The following ZNF804A variants were observed in gnomAD, a reference collection of about 807,000 sequenced individuals.
ZNF804A encodes the protein zinc finger protein 804A.
Under a neutral mutation model 16.5 loss-of-function variants are expected in ZNF804A, and 2 were observed. The observed-to-expected ratio is 0.12, with a 90% CI of 0.05 to 0.38. The LOEUF (loss-of-function observed/expected upper bound fraction) is 0.38. ZNF804A is among the 10% of genes least tolerant of loss of function. The pLI, the probability that ZNF804A is intolerant of heterozygous loss-of-function variation, is 0.99. For missense variants in ZNF804A, 1,473 were observed against 1,390.7 expected, an observed-to-expected ratio of 1.06 and a Z score of -0.94; for synonymous variants, 534 against 489.6, an observed-to-expected ratio of 1.09 and a Z score of -1.20.
chr2:184,618,516 A>C lies in ZNF804A; in HGVS notation c.111+19446A>C, dbSNP rs1241426057. Among the ~76,000 whole-genome samples the C allele has an allele frequency of 5.9e-5, 9 of 152,222 alleles. No individual in the cohort carries two copies. The East Asian group carries it at 1.7e-3, about 29-fold the overall frequency. On this transcript the variant is annotated intron_variant, in intron 1 of 3. Transcript: ENST00000302277. ...TCAGGTGTTAAAATATTTTTCTAAT[A>C]CAGTTAGGTCTCCATATCCATAGGT...
intron 1 of ZNF804A, among the ~76,000 whole-genome samples, chr2:184,796,577 G>A (rs945921035): frequency 6.6e-6 from 1 of 151,974 alleles, no homozygotes; most frequent in Non-Finnish European, 1.5e-5. Flanking sequence ...CAAACTTTTT[G>A]TTTCATTTAT....
chr2:184,835,555 C>T (rs1320603252), intron 1 of ZNF804A, among the ~76,000 whole-genome samples: 1 of 151,894 alleles, frequency 6.6e-6, no homozygotes, highest in Non-Finnish European at 1.5e-5. Flanking sequence ...GGTCCAGAGT[C>T]CAAGCCCTGC....
At chr2:184,735,910 C>T (rs1301065481) in intron 1 of ZNF804A, among the ~76,000 whole-genome samples, 1 of 152,144 alleles carries the variant, frequency 6.6e-6, no homozygotes, top group African/African-American at 2.4e-5. Context: ...CTTTTAGCCA[C>T]CACCACCACA....
intron 1 of ZNF804A, among the ~76,000 whole-genome samples, chr2:184,667,372 T>C (rs1692270265): frequency 6.6e-6 from 1 of 151,870 alleles, no homozygotes; most frequent in Non-Finnish European, 1.5e-5. Context: ...AATTAATGGT[T>C]TTTAAAAGGT....
intron 1 of ZNF804A, among the ~76,000 whole-genome samples, chr2:184,772,048 A>G (rs1019616008): frequency 1.5e-4 from 23 of 152,030 alleles, no homozygotes; most frequent in African/African-American, 5.6e-4. Context: ...GTGTCCCTTT[A>G]GAATCTGTCC....
chr2:184,822,996 C>T (rs190680107), intron 1 of ZNF804A, among the ~76,000 whole-genome samples: 5 of 152,124 alleles, frequency 3.3e-5, no homozygotes, highest in South Asian at 2.1e-4. Context: ...GACAAATAGT[C>T]GTTGTCTTAG....
intron 2 of ZNF804A, among the ~76,000 whole-genome samples, chr2:184,892,887 T>C (rs1685010289): frequency 6.6e-6 from 1 of 152,214 alleles, no homozygotes. Flanking sequence ...TTTATGATTA[T>C]ATTTTGTTCA....
At chr2:184,846,859 A>G (rs902047388) in intron 1 of ZNF804A, among the ~76,000 whole-genome samples, 10 of 152,204 alleles carry the variant, frequency 6.6e-5, no homozygotes, top group African/African-American at 1.9e-4. Context: ...CCAATGAGGC[A>G]TTGTCTTGAT....
intron 1 of ZNF804A, among the ~76,000 whole-genome samples, chr2:184,659,516 A>G (rs978941252): frequency 1.3e-5 from 2 of 152,006 alleles, no homozygotes; most frequent in East Asian, 3.9e-4. Context: ...CATGTATATC[A>G]CATATATATT....
chr2:184,781,621 G>C (rs1400231724), intron 1 of ZNF804A, among the ~76,000 whole-genome samples: 1 of 151,694 alleles, frequency 6.6e-6, no homozygotes, highest in Non-Finnish European at 1.5e-5. Context: ...GGAGTCAAAA[G>C]TGCTGTGTAC....
intron 1 of ZNF804A, among the ~76,000 whole-genome samples, chr2:184,847,124 C>T (rs1023413054): frequency 6.6e-6 from 1 of 152,066 alleles, no homozygotes; most frequent in Non-Finnish European, 1.5e-5. Context: ...GAAATGTGAA[C>T]ATTAACGTAT....
chr2:184,823,863 C>T (rs1197572700), intron 1 of ZNF804A, among the ~76,000 whole-genome samples: 2 of 152,008 alleles, frequency 1.3e-5, no homozygotes, highest in East Asian at 1.9e-4. Flanking sequence ...CTTCATGATT[C>T]CAGCAGGTAA....
chr2:184,898,138 C>A (rs144097513), intron 2 of ZNF804A, among the ~76,000 whole-genome samples: 107 of 152,036 alleles, frequency 7.0e-4, no homozygotes, highest in African/African-American at 2.5e-3. Context: ...AGTTTTTATT[C>A]TTGAAAAGAC....
intron 1 of ZNF804A, among the ~76,000 whole-genome samples, chr2:184,673,997 G>A (rs1395514768): frequency 6.6e-6 from 1 of 152,008 alleles, no homozygotes; most frequent in Non-Finnish European, 1.5e-5. Context: ...TGAAATTGTT[G>A]CAGTTTTATT....
At chr2:184,863,582 T>A (rs1695831874) in intron 1 of ZNF804A, among the ~76,000 whole-genome samples, 1 of 151,634 alleles carries the variant, frequency 6.6e-6, no homozygotes, top group Non-Finnish European at 1.5e-5. Context: ...TACAACATAA[T>A]AAGAGCTAAT....
intron 1 of ZNF804A, among the ~76,000 whole-genome samples, chr2:184,852,911 G>T (rs1695628184): frequency 6.6e-6 from 1 of 151,634 alleles, no homozygotes; most frequent in African/African-American, 2.4e-5. Context: ...ATTCAAGGTT[G>T]CTTTGACTAT....
In ZNF804A at chr2:184,845,788, TC is replaced by T. The variant is rs1383949788; in HGVS notation, c.112-20580del. Reference sequence around the variant, plus strand: ...CCACAAAATTGTTTGGGGGTGTCCCTCTAAGATTGCAGCCATCAAGAGTTTC... The same window carrying T: ...CCACAAAATTGTTTGGGGGTGTCCCTTAAGATTGCAGCCATCAAGAGTTTC... On this transcript the variant is annotated intron_variant, in intron 1 of 3. Coordinates refer to ENST00000302277, the MANE Select transcript of ZNF804A (RefSeq NM_194250.2). Among the ~76,000 whole-genome samples the T allele has an allele frequency of 1.2e-4, 18 of 152,218 alleles. No homozygotes were observed. In the East Asian group the frequency reaches 3.3e-3, roughly 28 times the overall value.
At chr2:184,803,693 T>C (rs1039354236) in intron 1 of ZNF804A, among the ~76,000 whole-genome samples, 1 of 152,174 alleles carries the variant, frequency 6.6e-6, no homozygotes, top group Non-Finnish European at 1.5e-5. Context: ...ACAATTGCAA[T>C]TTAATTCCTC....
At chr2:184,628,085 C>A (rs1001377658) in intron 1 of ZNF804A, among the ~76,000 whole-genome samples, 1 of 152,076 alleles carries the variant, frequency 6.6e-6, no homozygotes, top group Non-Finnish European at 1.5e-5. Flanking sequence ...GAGGCCGAGG[C>A]GGGCGGATCA....
Sources: gnomAD v4.1 joint callset for allele counts (sites outside exome capture counted in the v4.1 genomes callset) on GRCh38, gnomAD v4.1.1 for gene constraint, MANE v1.5 for transcripts, NCBI Gene and HGNC (gene_info 2026-07-23, HGNC 2026-07-21) for gene names.